Variants in SHOC2 observed in about 807,000 individuals in gnomAD.
SHOC2 encodes the protein SHOC2 leucine rich repeat scaffold protein, also known as leucine-rich repeat protein SHOC-2.
In SHOC2, 4 loss-of-function variants were observed where a neutral mutation model predicts 50.2. That is an observed-to-expected ratio of 0.08 (90% CI 0.04 to 0.18). The LOEUF (loss-of-function observed/expected upper bound fraction) is 0.18. SHOC2 is among the 10% of genes least tolerant of loss of function. The pLI, the probability that SHOC2 is intolerant of heterozygous loss-of-function variation, is 1.00. For missense variants in SHOC2, 388 were observed against 669.6 expected, an observed-to-expected ratio of 0.58 and a Z score of 4.64; for synonymous variants, 218 against 244.5, an observed-to-expected ratio of 0.89 and a Z score of 1.01.
At chr10:110,945,247 C>A (rs925924524) in intron 1 of SHOC2, among the ~76,000 whole-genome samples, 2 of 152,164 alleles carry the variant, frequency 1.3e-5, no homozygotes, top group African/African-American at 4.8e-5. Flanking sequence ...ATACGGTCAG[C>A]ATTGCAAATA....
At chr10:110,952,335 CATTATTATTGATGA>C (rs1187001248) in intron 1 of SHOC2, among the ~76,000 whole-genome samples, 10 of 152,128 alleles carry the variant, frequency 6.6e-5, no homozygotes, top group Admixed American at 5.2e-4. Flanking sequence ...TAAGCACATT[CATTATTATTGATGA>C]ACTTGCATTA....
chr10:110,942,294 T>C (rs996585071), intron 1 of SHOC2, among the ~76,000 whole-genome samples: 2 of 152,228 alleles, frequency 1.3e-5, no homozygotes, highest in Admixed American at 6.5e-5. Flanking sequence ...TCTAAAGTTC[T>C]AATTTTTATT....
At chr10:111,007,488 T>C (rs2134177658) in intron 5 of SHOC2, 43 bp from the exon 6 acceptor site, 1 of 1,609,992 alleles carries the variant, frequency 6.2e-7, no homozygotes, top group Admixed American at 1.7e-5. Context: ...TAGAACTTTG[T>C]TTTTGTGATT....
At chr10:110,944,462 T>C (rs1245921483) in intron 1 of SHOC2, among the ~76,000 whole-genome samples, 5 of 152,280 alleles carry the variant, frequency 3.3e-5, no homozygotes, top group Non-Finnish European at 7.4e-5. Context: ...GTTTCTGTTA[T>C]TTGCTTTTCT....
At chr10:110,928,896 A>G (rs577567389) in intron 1 of SHOC2, among the ~76,000 whole-genome samples, 2 of 152,196 alleles carry the variant, frequency 1.3e-5, no homozygotes, top group Non-Finnish European at 2.9e-5. Flanking sequence ...CCCTGTCTCA[A>G]AAAAAGTCAG....
At chr10:110,945,018 T>A (rs1342548801) in intron 1 of SHOC2, among the ~76,000 whole-genome samples, 3 of 152,206 alleles carry the variant, frequency 2.0e-5, no homozygotes, top group African/African-American at 7.2e-5. Flanking sequence ...TAGGCATGTG[T>A]ATGACCTTCT....
At chr10:110,932,326 T>C (rs1846911833) in intron 1 of SHOC2, among the ~76,000 whole-genome samples, 1 of 152,200 alleles carries the variant, frequency 6.6e-6, no homozygotes. Flanking sequence ...TTCTTTTAAT[T>C]GGACATTAAC....
intron 1 of SHOC2, among the ~76,000 whole-genome samples, chr10:110,945,883 C>T (rs1198673591): frequency 6.6e-6 from 1 of 152,208 alleles, no homozygotes; most frequent in African/African-American, 2.4e-5. Context: ...ATGTTCTTCT[C>T]ACCCCCAATC....
chr10:110,924,737 G>A (rs1846722514), intron 1 of SHOC2, among the ~76,000 whole-genome samples: 1 of 151,988 alleles, frequency 6.6e-6, no homozygotes, highest in Non-Finnish European at 1.5e-5. Flanking sequence ...TGTAACGTGG[G>A]GAATAATTCC....
chr10:110,989,087 G>A, intron 3 of SHOC2: 1 of 480,008 alleles, frequency 2.1e-6, no homozygotes, highest in Non-Finnish European at 4.0e-6. Context: ...CCTCCATTGT[G>A]GTCAAGAACA....
intron 1 of SHOC2, among the ~76,000 whole-genome samples, chr10:110,942,901 A>G (rs1050329252): frequency 6.6e-6 from 1 of 152,190 alleles, no homozygotes; most frequent in African/African-American, 2.4e-5. Context: ...TCTGGCCTCT[A>G]TATTTTCTGA....
At chr10:111,010,863 A>G (rs1181964067) in intron 8 of SHOC2, among the ~76,000 whole-genome samples, 1 of 152,204 alleles carries the variant, frequency 6.6e-6, no homozygotes, top group African/African-American at 2.4e-5. Context: ...TCTTACATGT[A>G]AACAAATTGA....
intron 2 of SHOC2, among the ~76,000 whole-genome samples, chr10:110,973,586 A>G (rs995771990): frequency 2.0e-5 from 3 of 151,970 alleles, no homozygotes; most frequent in Non-Finnish European, 4.4e-5. Flanking sequence ...TTCCTCTTTT[A>G]TATTCTAGAA....
intron 1 of SHOC2, among the ~76,000 whole-genome samples, chr10:110,941,341 T>G (rs1847140602): frequency 6.6e-6 from 1 of 151,638 alleles, no homozygotes; most frequent in Non-Finnish European, 1.5e-5. Flanking sequence ...TGTTGAGTTT[T>G]TGTTTGTTTG....
chr10:110,988,954 GT>G, intron 3 of SHOC2: 2 of 516,296 alleles, frequency 3.9e-6, no homozygotes. Flanking sequence ...AGCAATCGCG[GT>G]TTTTGCTATT....
At chr10:110,998,711 A>T (rs1014664800) in intron 3 of SHOC2, among the ~76,000 whole-genome samples, 1 of 152,220 alleles carries the variant, frequency 6.6e-6, no homozygotes, top group Non-Finnish European at 1.5e-5. Context: ...TCTGCGTTAT[A>T]GTTGACAACT....
chr10:110,979,005 A>C (rs1317318681), intron 2 of SHOC2, among the ~76,000 whole-genome samples: 1 of 152,208 alleles, frequency 6.6e-6, no homozygotes, highest in Non-Finnish European at 1.5e-5. Flanking sequence ...TTATAACAAC[A>C]ATCATTTGTT....
At chr10:110,982,447 G>C (rs545360434) in intron 2 of SHOC2, among the ~76,000 whole-genome samples, 1 of 151,928 alleles carries the variant, frequency 6.6e-6, no homozygotes, top group Non-Finnish European at 1.5e-5. Flanking sequence ...TTCCACAATG[G>C]TTGAACTAGT....
chr10:110,939,767 A>G (rs1181977868), intron 1 of SHOC2, among the ~76,000 whole-genome samples: 2 of 152,176 alleles, frequency 1.3e-5, no homozygotes, highest in Non-Finnish European at 2.9e-5. Flanking sequence ...CCTTACCAAT[A>G]TTACTACTAA....
Sources: allele counts gnomAD v4.1 joint callset (sites outside exome capture counted in the v4.1 genomes callset), GRCh38; gene constraint gnomAD v4.1.1; transcripts MANE v1.5; gene names NCBI Gene and HGNC (gene_info 2026-07-23, HGNC 2026-07-21).